The following RNF38 variants were observed in gnomAD, a reference collection of about 807,000 sequenced individuals.
RNF38 encodes E3 ubiquitin-protein ligase RNF38.
In RNF38, 15 loss-of-function variants were observed where a neutral mutation model predicts 67.2. The observed-to-expected ratio is 0.22, with a 90% CI of 0.15 to 0.34. RNF38 has a LOEUF of 0.34. RNF38 is among the 10% of genes least tolerant of loss of function. RNF38 has a pLI of 1.00. For missense variants in RNF38, 524 were observed against 639.9 expected (o/e 0.82, Z 1.95); for synonymous variants, 220 against 218.8 (o/e 1.01, Z -0.05).
chr9:36,345,003 TC>T lies in RNF38; in HGVS notation c.1264-51del, dbSNP rs1406581356. 2.5e-6 allele frequency: 4 copies of T among 1,579,542 alleles called. No individual in the cohort carries two copies. In the African/African-American group the frequency reaches 5.4e-5, roughly 22 times the overall value. ...TTTCATCTATCTTTACATTTTGCAT[TC>T]CAATACTTTTTTTTTTTAAGAGATG... On this transcript the variant is annotated intron_variant, in intron 9 of 11. Coordinates refer to ENST00000259605, the MANE Select transcript of RNF38 (RefSeq NM_022781.5).
At chr9:36,487,414 C>A (rs1840444149) in exon 1 of RNF38, 1 of 981,272 alleles carries the variant, frequency 1.0e-6, no homozygotes, top group African/African-American at 1.8e-5. Flanking sequence ...CCGGCCGGGG[C>A]GGCGGCGGTG....
upstream of RNF38, chr9:36,400,678 C>T: frequency 4.1e-6 from 4 of 985,854 alleles, no homozygotes; most frequent in African/African-American, 7.0e-5. Flanking sequence ...CGGGCCTCCT[C>T]ACCCCCGGAA....
intron 2 of RNF38, among the ~76,000 whole-genome samples, chr9:36,415,085 A>G (rs961672175): frequency 6.6e-6 from 1 of 152,210 alleles, no homozygotes; most frequent in Admixed American, 6.5e-5. Flanking sequence ...TTGGATGTAT[A>G]GATCTCTAGC....
At chr9:36,370,917 AAGAG>A (rs1232092816) in intron 3 of RNF38, among the ~76,000 whole-genome samples, 3 of 152,202 alleles carry the variant, frequency 2.0e-5, no homozygotes, top group Admixed American at 6.5e-5. Context: ...TTAAAAAAAA[AAGAG>A]AGGGAGAGAA....
chr9:36,429,894 C>T (rs917591141), intron 1 of RNF38, among the ~76,000 whole-genome samples: 3 of 151,984 alleles, frequency 2.0e-5, no homozygotes, highest in South Asian at 4.2e-4. Context: ...GTTTATTTTT[C>T]CTGATATTTT....
intron 11 of RNF38, 21 bp from the exon 12 acceptor site, chr9:36,339,835 C>G: frequency 6.2e-7 from 1 of 1,601,160 alleles, no homozygotes; most frequent in Non-Finnish European, 8.5e-7. Context: ...AAAAGGAAAA[C>G]TTGTTTAAAT....
intron 4 of RNF38, among the ~76,000 whole-genome samples, chr9:36,365,237 A>C (rs1339543137): frequency 2.6e-5 from 4 of 152,308 alleles, no homozygotes; most frequent in Admixed American, 6.5e-5. Context: ...GCCTTAAAAA[A>C]AACGGGATCT....
chr9:36,450,815 G>A (rs1425882624), intron 1 of RNF38, among the ~76,000 whole-genome samples: 1 of 152,214 alleles, frequency 6.6e-6, no homozygotes, highest in Non-Finnish European at 1.5e-5. Context: ...TTGGGAGGCT[G>A]AGGCAGGAGA....
intron 1 of RNF38, among the ~76,000 whole-genome samples, chr9:36,393,294 G>C (rs533987640): frequency 6.6e-6 from 1 of 152,266 alleles, no homozygotes; most frequent in East Asian, 1.9e-4. Context: ...TAATTTTCAA[G>C]CATATCCTCT....
chr9:36,478,758 G>A lies in RNF38; in HGVS notation n.241+8550C>T, dbSNP rs1400776590. On this transcript the variant is annotated intron_variant and non_coding_transcript_variant, in intron 1 of 3. Transcript: ENST00000488058. ...CTTGAACCCAGAAGGCGGAGGTTGC[G>A]GTGAGCCGAGATGGCGCCACTGCAC... Among the ~76,000 whole-genome samples the A allele has an allele frequency of 6.7e-5, 10 of 150,218 alleles. No individual in the cohort carries two copies. The East Asian group carries it at 7.9e-4, about 12-fold the overall frequency.
intron 6 of RNF38, among the ~76,000 whole-genome samples, chr9:36,355,387 T>C (rs866116110): frequency 5.9e-5 from 9 of 152,332 alleles, no homozygotes; most frequent in African/African-American, 1.9e-4. Context: ...TGTACTTATA[T>C]AGTACTTATA....
chr9:36,453,258 G>A (rs1839503003), intron 1 of RNF38, among the ~76,000 whole-genome samples: 1 of 152,056 alleles, frequency 6.6e-6, no homozygotes, highest in Non-Finnish European at 1.5e-5. Context: ...CTGTTGCCCT[G>A]GCTGGAGTGC....
chr9:36,409,371 G>A (rs1226276526), intron 2 of RNF38, among the ~76,000 whole-genome samples: 2 of 152,004 alleles, frequency 1.3e-5, no homozygotes, highest in Non-Finnish European at 2.9e-5. Flanking sequence ...GCAGGCGGGC[G>A]GGCAACAGAA....
chr9:36,370,309 A>G (rs1410750979), intron 3 of RNF38, among the ~76,000 whole-genome samples: 1 of 152,174 alleles, frequency 6.6e-6, no homozygotes. Flanking sequence ...TAATCTGTAG[A>G]TACCTTGTCA....
In RNF38 at chr9:36,351,202, G is replaced by A. The variant is rs774402292; in HGVS notation, c.1179-3C>T. The A allele has an allele frequency of 2.1e-5, 33 of 1,605,728 alleles. No homozygotes were observed. The South Asian group carries it at 2.8e-4, about 13-fold the overall frequency. On this transcript the variant is annotated splice_region_variant and splice_polypyrimidine_tract_variant and intron_variant, in intron 8 of 11. Transcript: ENST00000259605. ...CAGGTGGCACTGGAAGCATTGATCT[G>A]CAGTGAAAACAATCACACTAGCATT...
At chr9:36,458,248 G>C (rs1839639220) in intron 1 of RNF38, among the ~76,000 whole-genome samples, 1 of 152,180 alleles carries the variant, frequency 6.6e-6, no homozygotes, top group Non-Finnish European at 1.5e-5. Flanking sequence ...GTGTTTAAAG[G>C]ATTGTAAGCA....
chr9:36,472,170 C>T (rs920469503), intron 1 of RNF38, among the ~76,000 whole-genome samples: 4 of 152,226 alleles, frequency 2.6e-5, no homozygotes, highest in African/African-American at 9.6e-5. Context: ...AGCCACCAAA[C>T]ATATCAATCT....
intron 2 of RNF38, among the ~76,000 whole-genome samples, chr9:36,379,243 A>G (rs189043858): frequency 2.6e-5 from 4 of 152,308 alleles, no homozygotes; most frequent in Admixed American, 2.6e-4. Flanking sequence ...AACTACAATG[A>G]CTAAATACAG....
At chr9:36,391,127 T>A (rs574663948) in intron 1 of RNF38, among the ~76,000 whole-genome samples, 13 of 152,298 alleles carry the variant, frequency 8.5e-5, no homozygotes, top group African/African-American at 3.1e-4. Flanking sequence ...TGCAGAAATC[T>A]CAGCTCTATT....
Sources: gnomAD v4.1 joint callset for allele counts (sites outside exome capture counted in the v4.1 genomes callset) on GRCh38, gnomAD v4.1.1 for gene constraint, MANE v1.5 for transcripts, NCBI Gene and HGNC (gene_info 2026-07-23, HGNC 2026-07-21) for gene names.